Variants in TPD52L2 observed in about 807,000 individuals in gnomAD.
TPD52L2 encodes TPD52 like 2.
A neutral mutation model predicts 24.7 loss-of-function variants in TPD52L2; 19 were observed. That is an observed-to-expected ratio of 0.77 (90% CI 0.54 to 1.13). The LOEUF (loss-of-function observed/expected upper bound fraction) is 1.13, where lower values mean the gene tolerates loss of function less well. TPD52L2 is among the 50% of genes most tolerant of loss of function. The pLI is 0.00. For missense variants in TPD52L2, 236 were observed against 250.4 expected (o/e 0.94, Z 0.39); for synonymous variants, 104 against 100.2 (o/e 1.04, Z -0.23).
In TPD52L2 at chr20:63,867,321, A is replaced by T. The variant is rs190173507; in HGVS notation, c.19+1937A>T. Among the ~76,000 whole-genome samples the T allele has an allele frequency of 4.6e-5, 7 of 152,260 alleles. No homozygotes were observed. In the East Asian group the frequency reaches 1.4e-3, roughly 29 times the overall value. ...TGGCTTACGCCTGTAATTCTAACAC[A>T]TTGGGAGGCCGAGGCCAGTGGATCA... is the stretch of plus-strand genomic sequence containing the variant. On this transcript the variant is annotated intron_variant, in intron 1 of 6. Coordinates refer to ENST00000346249, the MANE Select transcript of TPD52L2 (RefSeq NM_003288.4).
At chr20:63,879,176 C>G (rs2052801337) in intron 4 of TPD52L2, among the ~76,000 whole-genome samples, 1 of 152,296 alleles carries the variant, frequency 6.6e-6, no homozygotes, top group East Asian at 1.9e-4. Flanking sequence ...TCAGGCTATG[C>G]AGGTGATGCC....
chr20:63,870,786 C>T (rs1197545903), intron 2 of TPD52L2, among the ~76,000 whole-genome samples: 73 of 150,524 alleles, frequency 4.8e-4, no homozygotes, highest in Non-Finnish European at 8.6e-4. Context: ...GGTGTGATCT[C>T]GGCTCGCTGC....
chr20:63,875,100 C>T (rs929735773), intron 3 of TPD52L2, among the ~76,000 whole-genome samples: 1 of 150,972 alleles, frequency 6.6e-6, no homozygotes, highest in Non-Finnish European at 1.5e-5. Context: ...CAAAATTATG[C>T]CACTGCCCTC....
At chr20:63,873,249 G>GGAGGCT (rs2052534448) in intron 2 of TPD52L2, among the ~76,000 whole-genome samples, 1 of 152,022 alleles carries the variant, frequency 6.6e-6, no homozygotes, top group Non-Finnish European at 1.5e-5. Flanking sequence ...CAGCACTTTG[G>GGAGGCT]GAGGCTGAGG....
At position 63,869,454 on chromosome 20, in the gene TPD52L2, G is replaced by C; in HGVS notation, c.165+13G>C. 1 of 1,613,694 alleles carries C rather than the reference G, an allele frequency of 6.2e-7. No individual in the cohort carries two copies. The highest frequency in any genetic ancestry group is 2.2e-5 in the East Asian group (1 of 44,852). ...TGAGCTTACCAAGGTGCTGTGGCTT[G>C]GCTGTCTGTCCTGGGGTGAATTGGA... On this transcript the variant is annotated intron_variant, in intron 2 of 6. Coordinates refer to ENST00000346249, the MANE Select transcript of TPD52L2 (RefSeq NM_003288.4).
chr20:63,886,413 T>A (rs1409512974), intron 5 of TPD52L2, among the ~76,000 whole-genome samples: 2 of 151,006 alleles, frequency 1.3e-5, no homozygotes, highest in Admixed American at 6.6e-5. Context: ...CAGGTTGGAG[T>A]GCCGTGGCGC....
At chr20:63,875,670 C>A in intron 3 of TPD52L2, 146 bp from the exon 4 acceptor site, 1 of 740,310 alleles carries the variant, frequency 1.4e-6, no homozygotes, top group Non-Finnish European at 2.3e-6. Context: ...CTGGTTGAGG[C>A]AGTGGACCCC....
Position 63,873,773 on chromosome 20 carries a change from CAG to C in TPD52L2, c.273_274del (p.Asn92ProfsTer7). The C allele has an allele frequency of 6.3e-7, 1 of 1,594,920 alleles. No homozygotes were observed. The highest frequency in any genetic ancestry group is 8.5e-7 in the Non-Finnish European group (1 of 1,172,258). ...CCTCTCCACCCTGGGGGAGCTGAAA[CAG>C]AACCTGTCCAGGAGCTGGCATGACG... ...LGLSTLGELK[Q>X]NLSRSWHDVQ... On this transcript the variant is annotated frameshift_variant, in exon 3 of 7. Transcript: ENST00000346249. LOFTEE classifies it high-confidence loss of function.
chr20:63,871,351 G>T (rs539071067), intron 2 of TPD52L2, among the ~76,000 whole-genome samples: 14 of 141,486 alleles, frequency 9.9e-5, no homozygotes, highest in African/African-American at 2.7e-4. Flanking sequence ...CCAAGAAAGA[G>T]AATTTTTTTT....
intron 3 of TPD52L2, among the ~76,000 whole-genome samples, chr20:63,874,154 C>T (rs1470458139): frequency 6.6e-6 from 1 of 151,458 alleles, no homozygotes; most frequent in African/African-American, 2.4e-5. Flanking sequence ...CGGGTTCAAG[C>T]GATTCTCCTG....
intron 3 of TPD52L2, 22 bp downstream of exon 3, chr20:63,873,838 A>G (rs758985271): frequency 1.1e-5 from 17 of 1,483,688 alleles, no homozygotes; most frequent in Non-Finnish European, 1.3e-5. Flanking sequence ...CCCCAGGCGC[A>G]CCCCTGGGGG....
At chr20:63,885,585 G>A (rs938492008) in intron 5 of TPD52L2, among the ~76,000 whole-genome samples, 1 of 152,248 alleles carries the variant, frequency 6.6e-6, no homozygotes, top group South Asian at 2.1e-4. Flanking sequence ...AACACGGGCC[G>A]CTCTCGTTCT....
chr20:63,874,357 G>A (rs1028016429), intron 3 of TPD52L2, among the ~76,000 whole-genome samples: 6 of 146,548 alleles, frequency 4.1e-5, no homozygotes, highest in African/African-American at 1.5e-4. Context: ...TGGCCACCAC[G>A]CTGGCCTTTT....
chr20:63,882,212 G>T (rs148961196), intron 4 of TPD52L2, among the ~76,000 whole-genome samples: 2 of 152,262 alleles, frequency 1.3e-5, no homozygotes, highest in Non-Finnish European at 2.9e-5. Context: ...TCTCCCCTCA[G>T]CACAGTCTCA....
At position 63,869,480 on chromosome 20, in the gene TPD52L2, G is replaced by T. The variant is rs767747962; in HGVS notation, c.165+39G>T. ...GCTGTCTGTCCTGGGGTGAATTGGA[G>T]TTAAGGCCCTCTTGGATTAGTGAGA... On this transcript the variant is annotated intron_variant, in intron 2 of 6. Transcript: ENST00000346249. 3.1e-6 allele frequency: 5 copies of T among 1,608,372 alleles called. No homozygotes were observed. The East Asian group carries it at 1.1e-4, about 36-fold the overall frequency.
chr20:63,878,738 G>C (rs2052783752), intron 4 of TPD52L2, among the ~76,000 whole-genome samples: 1 of 152,214 alleles, frequency 6.6e-6, no homozygotes, highest in Non-Finnish European at 1.5e-5. Flanking sequence ...CCAGGGGACA[G>C]CTCACTGGCA....
chr20:63,885,924 T>G, intron 5 of TPD52L2: 6 of 1,399,426 alleles, frequency 4.3e-6, no homozygotes, highest in Middle Eastern at 1.9e-4. Flanking sequence ...GCAGGGGGCC[T>G]CCCCTGGGGC....
intron 1 of TPD52L2, among the ~76,000 whole-genome samples, chr20:63,867,702 GA>G (rs2052305898): frequency 6.6e-6 from 1 of 152,082 alleles, no homozygotes; most frequent in Non-Finnish European, 1.5e-5. Context: ...CAGCTTTTAA[GA>G]AGAGTATCTT....
chr20:63,879,000 A>C (rs929977895), intron 4 of TPD52L2, among the ~76,000 whole-genome samples: 4 of 152,130 alleles, frequency 2.6e-5, no homozygotes, highest in African/African-American at 9.7e-5. Flanking sequence ...ACGCTCTCAG[A>C]ACAGGCCTGC....
Sources: gnomAD v4.1 joint callset for allele counts (sites outside exome capture counted in the v4.1 genomes callset) on GRCh38, gnomAD v4.1.1 for gene constraint, MANE v1.5 for transcripts, NCBI Gene and HGNC (gene_info 2026-07-23, HGNC 2026-07-21) for gene names.